ZNF76: variants seen among roughly 807,000 people sequenced by gnomAD.
ZNF76 encodes the protein zinc finger protein 76.
ZNF76 carries 66 observed loss-of-function variants against 66.9 expected under a neutral mutation model. The ratio of observed to expected loss-of-function variants is 0.99; its 90% CI spans 0.81 to 1.21. The LOEUF is 1.21. Among genes scored for constraint, ZNF76 ranks in the 50% most tolerant of loss-of-function variants. The pLI, the probability that ZNF76 is intolerant of heterozygous loss-of-function variation, is 0.00. For synonymous variants in ZNF76, 275 were observed against 296.1 expected (o/e 0.93, Z 0.73); for missense variants, 729 against 760.3 (o/e 0.96, Z 0.48).
Position 35,292,709 on chromosome 6 carries a change from C to T in ZNF76, c.1087C>T (p.His363Tyr). The change falls in exon 10 of 14, where the codon CAC (histidine) becomes TAC (tyrosine). Residue 363 changes from histidine (H) to tyrosine (Y), a missense_variant. By Grantham distance (83) the His-to-Tyr change is moderately conservative (BLOSUM62 2). Coordinates refer to ENST00000373953, the MANE Select transcript of ZNF76 (RefSeq NM_003427.5). The surrounding 1 kb of genome is among the most constrained non-coding windows in gnomAD (Gnocchi z 4.7). ...CCGGCAGACCTCCACCTTGGCCATG[C>T]ACAAGCGCAGTGCCCACGGCGAGCT... ...TYRQTSTLAMHKRSAHGELEA... is the reference protein window; with the variant it reads ...TYRQTSTLAMYKRSAHGELEA... The T allele has an allele frequency of 6.2e-7, 1 of 1,614,182 alleles. No homozygotes were observed. The highest frequency in any genetic ancestry group is 8.5e-7 in the Non-Finnish European group (1 of 1,180,052).
Position 35,287,083 on chromosome 6 carries a change from C to G in ZNF76, c.233-563C>G, listed in dbSNP as rs923356524. Among the ~76,000 whole-genome samples the G allele has an allele frequency of 1.3e-5, 2 of 152,010 alleles. No homozygotes were observed. Among genetic ancestry groups the G allele is most frequent in the African/African-American group, 4.8e-5 (2 of 41,342 alleles). On this transcript the variant is annotated intron_variant, in intron 4 of 13. Transcript: ENST00000373953. The surrounding 1 kb of genome is among the most constrained non-coding windows in gnomAD (Gnocchi z 4.0). ...AGGAATAGCATGTGCAGGCCTAGAG[C>G]TGGGGGGAAGAAAGAACAGCACATT...
At position 35,292,397 on chromosome 6, in the gene ZNF76, G is replaced by T; in HGVS notation, c.932-157G>T. 1 of 716,076 alleles carries T rather than the reference G, an allele frequency of 1.4e-6. No homozygotes were observed. Among genetic ancestry groups the T allele is most frequent in the Non-Finnish European group, 2.4e-6 (1 of 412,002 alleles). The allele number at this position is 716,076 out of a possible 1,614,324, so 44.4% of individuals were successfully genotyped here. A position where few individuals can be genotyped will look rare whatever the true frequency, so the allele number is the denominator to read the frequency against. ...CCTGTGTCCTCTCTGTGTTCCACTG[G>T]CCATCTTCCCCAACCCTGTCCATTC... is the stretch of plus-strand genomic sequence containing the variant. On this transcript the variant is annotated intron_variant, in intron 9 of 13. Coordinates refer to ENST00000373953, the MANE Select transcript of ZNF76 (RefSeq NM_003427.5). This position sits in a 1 kb window ranked among gnomAD's most constrained non-coding sequence, Gnocchi z 4.7.
chr6:35,261,130 GGA>G (rs1436637252), intron 1 of ZNF76, among the ~76,000 whole-genome samples: 1 of 152,176 alleles, frequency 6.6e-6, no homozygotes, highest in Non-Finnish European at 1.5e-5. Flanking sequence ...CTCTGCGAAG[GGA>G]GAAAATAGTA....
chr6:35,287,749 C>T lies in ZNF76; in HGVS notation c.336C>T (p.Ala112=), dbSNP rs756507916. 4.2e-5 allele frequency: 67 copies of T among 1,614,086 alleles called. No homozygotes were observed. The East Asian group carries it at 1.3e-3, about 32-fold the overall frequency. The change falls in exon 5 of 14, where the codon GCC becomes GCT. Residue 112 remains alanine, a synonymous_variant. Transcript: ENST00000373953. The surrounding 1 kb of genome is among the most constrained non-coding windows in gnomAD (Gnocchi z 4.0). ...VAVPSESTIL[A]VQTEVGLEDL... ...TGCCATCGGAGAGCACCATCCTGGCCGTACAGACAGAGGTGGGCTTGGAGG... is the reference window on the plus strand; with the variant it reads ...TGCCATCGGAGAGCACCATCCTGGCTGTACAGACAGAGGTGGGCTTGGAGG...
In ZNF76 at chr6:35,287,717, G is replaced by A; in HGVS notation, c.304G>A (p.Val102Met). 6.2e-7 allele frequency: 1 copy of A among 1,614,232 alleles called. No homozygotes were observed. The change falls in exon 5 of 14, where the codon GTG becomes ATG. Residue 102 changes from valine to methionine, a missense_variant. By Grantham distance (21) the Val-to-Met change is conservative (BLOSUM62 1). Coordinates refer to ENST00000373953, the MANE Select transcript of ZNF76 (RefSeq NM_003427.5). The surrounding 1 kb of genome is among the most constrained non-coding windows in gnomAD (Gnocchi z 4.0). ...DGSTAYIHHPVAVPSESTILA... is the reference protein window; with the variant it reads ...DGSTAYIHHPMAVPSESTILA... The stretch of plus-strand genomic sequence containing the variant: ...CTCCACTGCCTACATTCACCACCCT[G>A]TGGCTGTGCCATCGGAGAGCACCAT...
In ZNF76 at chr6:35,292,583, G is replaced by C. The variant is rs1010661875; in HGVS notation, c.961G>C (p.Gly321Arg). 1 of 1,613,574 alleles carries C rather than the reference G, an allele frequency of 6.2e-7. No individual in the cohort carries two copies. The highest frequency in any genetic ancestry group is 8.5e-7 in the Non-Finnish European group (1 of 1,180,022). Residue 321 changes from glycine to arginine, a missense_variant, in exon 10 of 14, where the codon GGC becomes CGC. Gly to Arg is a moderately radical substitution (Grantham distance 125). Coordinates refer to ENST00000373953, the MANE Select transcript of ZNF76 (RefSeq NM_003427.5). This position sits in a 1 kb window ranked among gnomAD's most constrained non-coding sequence, Gnocchi z 4.7. ...GEKPYVCTVPGCGKRFTEYSS... is the reference protein window; with the variant it reads ...GEKPYVCTVPRCGKRFTEYSS... Reference sequence around the variant, plus strand: ...GAAGCCATACGTTTGCACGGTGCCAGGCTGCGGGAAACGCTTCACCGAGTA... The same window carrying C: ...GAAGCCATACGTTTGCACGGTGCCACGCTGCGGGAAACGCTTCACCGAGTA...
At chr6:35,284,912 C>T (rs915787378) in intron 2 of ZNF76, among the ~76,000 whole-genome samples, 3 of 151,282 alleles carry the variant, frequency 2.0e-5, no homozygotes, top group African/African-American at 7.3e-5. Flanking sequence ...GGTTTTGTCA[C>T]ATAGCTCAGG....
At chr6:35,290,217 T>C in intron 5 of ZNF76, 49 bp from the exon 6 acceptor site, 1 of 1,606,158 alleles carries the variant, frequency 6.2e-7, no homozygotes, top group Admixed American at 1.7e-5. Context: ...GTGTCCCACC[T>C]TCTTCACTGG....
chr6:35,291,443 C>G, intron 8 of ZNF76, 40 bp downstream of exon 8: 1 of 1,613,694 alleles, frequency 6.2e-7, no homozygotes. Context: ...ATTCCCTGGG[C>G]AAAAGGAATT....
chr6:35,293,272 T>G (rs1790695406), intron 11 of ZNF76, among the ~76,000 whole-genome samples: 1 of 152,202 alleles, frequency 6.6e-6, no homozygotes, highest in Non-Finnish European at 1.5e-5. Flanking sequence ...GTTAGTAGTT[T>G]CTCTCTTTAC....
At chr6:35,270,175 C>T (rs531254244) in intron 1 of ZNF76, among the ~76,000 whole-genome samples, 106 of 152,254 alleles carry the variant, frequency 7.0e-4, no homozygotes, top group African/African-American at 2.3e-3. Flanking sequence ...CTTGCTCTGT[C>T]GCCCAAGCTG....
At chr6:35,259,722 C>G (rs1416769965), upstream of ZNF76, 6 of 152,602 alleles carry the variant, frequency 3.9e-5, no homozygotes, top group African/African-American at 1.4e-4. Flanking sequence ...CTGGATATCG[C>G]GCGAGGCAAG....
Position 35,281,167 on chromosome 6 carries a change from C to T in ZNF76, c.16C>T (p.Leu6=). 6.2e-7 allele frequency: 1 copy of T among 1,614,018 alleles called. No homozygotes were observed. Among genetic ancestry groups the T allele is most frequent in the Non-Finnish European group, 8.5e-7 (1 of 1,180,038 alleles). The change falls in exon 2 of 14, where the codon CTG becomes TTG. Residue 6 remains leucine, a synonymous_variant. Coordinates refer to ENST00000373953, the MANE Select transcript of ZNF76 (RefSeq NM_003427.5). Reference sequence around the variant, plus strand: ...GCAGTTTGCCATGGAGAGCTTGGGGCTGCACACGGTGACCCTTAGTGATGG... The same window carrying T: ...GCAGTTTGCCATGGAGAGCTTGGGGTTGCACACGGTGACCCTTAGTGATGG... MESLG[L]HTVTLSDGTT...
intron 1 of ZNF76, among the ~76,000 whole-genome samples, chr6:35,260,049 C>G (rs907232984): frequency 6.6e-6 from 1 of 151,936 alleles, no homozygotes; most frequent in Non-Finnish European, 1.5e-5. Flanking sequence ...CCGTGACTCC[C>G]AAACCTCACC....
At chr6:35,285,593 G>A (rs1335174130) in intron 2 of ZNF76, among the ~76,000 whole-genome samples, 2 of 152,206 alleles carry the variant, frequency 1.3e-5, no homozygotes, top group Non-Finnish European at 2.9e-5. Context: ...CTGTTAAGAG[G>A]TAGAGCTGGA....
chr6:35,294,907 C>T (rs1266592488), intron 13 of ZNF76: 24 of 579,058 alleles, frequency 4.1e-5, no homozygotes, highest in South Asian at 8.1e-5. Context: ...GTCCTTCCTC[C>T]GTGAGCAAGT....
chr6:35,289,214 TC>T (rs1191543498), intron 5 of ZNF76, among the ~76,000 whole-genome samples: 1 of 152,112 alleles, frequency 6.6e-6, no homozygotes, highest in Non-Finnish European at 1.5e-5. Flanking sequence ...AGAGGTCACT[TC>T]CATCCCTGAT....
Position 35,294,540 on chromosome 6 carries a change from A to G in ZNF76, c.1579A>G (p.Thr527Ala), listed in dbSNP as rs144706789. 3.7e-6 allele frequency: 6 copies of G among 1,613,840 alleles called. No homozygotes were observed. In the African/African-American group the frequency reaches 6.7e-5, roughly 18 times the overall value. Residue 527 changes from threonine to alanine, a missense_variant, in exon 13 of 14, where the codon ACA (threonine) becomes GCA (alanine). Physicochemically the swap from Thr to Ala is moderately conservative, Grantham distance 58. Coordinates refer to ENST00000373953, the MANE Select transcript of ZNF76 (RefSeq NM_003427.5). Reference sequence around the variant, plus strand: ...TCATCAACAGGTGGCACTGTTGGCCACAGCCAACGGAACGCACATTGCAGT... The same window carrying G: ...TCATCAACAGGTGGCACTGTTGGCCGCAGCCAACGGAACGCACATTGCAGT... ...LRHQQVALLA[T>A]ANGTHIAVQL...
At chr6:35,288,449 A>C (rs926549676) in intron 5 of ZNF76, 5 of 329,690 alleles carry the variant, frequency 1.5e-5, no homozygotes, top group South Asian at 4.8e-5. Flanking sequence ...ATGGTCCTGC[A>C]TGTGGGGAAA....
Sources: gnomAD v4.1 joint callset for allele counts (sites outside exome capture counted in the v4.1 genomes callset) on GRCh38, gnomAD v4.1.1 for gene constraint, Gnocchi (gnomAD v3.1) non-coding constraint, MANE v1.5 for transcripts, NCBI Gene and HGNC (gene_info 2026-07-23, HGNC 2026-07-21) for gene names.